EIF3J: variants seen among roughly 807,000 people sequenced by gnomAD.
EIF3J encodes eukaryotic translation initiation factor 3, subunit 1 (alpha, 35kD).
In EIF3J, 15 loss-of-function variants were observed where a neutral mutation model predicts 39.0. The ratio of observed to expected loss-of-function variants is 0.38; its 90% CI spans 0.26 to 0.59. EIF3J has a LOEUF of 0.59. EIF3J is among the 20% of genes least tolerant of loss of function. The pLI, the probability that EIF3J is intolerant of heterozygous loss-of-function variation, is 0.60. For synonymous variants in EIF3J, 98 were observed against 112.9 expected (o/e 0.87, Z 0.84); for missense variants, 226 against 308.6 (o/e 0.73, Z 2.00).
intron 6 of EIF3J, among the ~76,000 whole-genome samples, chr15:44,558,414 C>T (rs148173176): frequency 2.6e-5 from 4 of 151,408 alleles, no homozygotes; most frequent in South Asian, 4.2e-4. Flanking sequence ...ACCATCCTGG[C>T]TAACAAGGTG....
intron 2 of EIF3J, among the ~76,000 whole-genome samples, chr15:44,545,680 C>A (rs1382499256): frequency 1.3e-5 from 2 of 152,110 alleles, no homozygotes; most frequent in Admixed American, 6.6e-5. Flanking sequence ...AAACATTTAT[C>A]ATTTCTTTGT....
At chr15:44,560,988 G>T (rs111356973) in intron 7 of EIF3J, 30 bp from the exon 8 acceptor site, 62,929 of 1,609,716 alleles carry the variant, frequency 0.039, 3,057 homozygotes, top group African/African-American at 0.21. Flanking sequence ...GCACACTAAG[G>T]TTCATGAATT....
intron 2 of EIF3J, among the ~76,000 whole-genome samples, chr15:44,549,764 C>CAAAAA (rs774290941): frequency 1.7e-4 from 2 of 11,458 alleles, no homozygotes; most frequent in African/African-American, 5.2e-4. Flanking sequence ...GACTCCGTCT[C>CAAAAA]AAAAAAAAAA....
At position 44,554,636 on chromosome 15, in the gene EIF3J, G is replaced by A. The variant is rs760821881; in HGVS notation, c.378G>A (p.Glu126=). 3 of 1,612,826 alleles carry A rather than the reference G, an allele frequency of 1.9e-6. No individual in the cohort carries two copies. Among genetic ancestry groups the A allele is most frequent in the Non-Finnish European group, 1.7e-6 (2 of 1,179,470 alleles). ...DKLRLKKLQE[E]SDLELAKETF... is the part of the protein sequence containing the mutation. The stretch of plus-strand genomic sequence containing the variant: ...TGCGGCTAAAGAAATTACAGGAAGA[G>A]TCAGACCTCGAATTAGCAAAGGAAA... Residue 126 remains glutamate, a synonymous_variant, in exon 5 of 8, where the codon GAG becomes GAA. Transcript: ENST00000261868.
At chr15:44,554,375 TAAAAA>T (rs59415615) in intron 4 of EIF3J, among the ~76,000 whole-genome samples, 173 bp from the exon 5 acceptor site, 2 of 61,880 alleles carry the variant, frequency 3.2e-5, no homozygotes, top group South Asian at 4.7e-4. Context: ...AGGCTCTGTC[TAAAAA>T]AAAAAAAAAA....
intron 2 of EIF3J, among the ~76,000 whole-genome samples, chr15:44,537,690 A>G (rs1216226111): frequency 6.6e-6 from 1 of 152,226 alleles, no homozygotes; most frequent in East Asian, 1.9e-4. Context: ...AGGTGACAGC[A>G]TCGGCCGGGT....
intron 2 of EIF3J, among the ~76,000 whole-genome samples, chr15:44,540,267 A>ATATATT (rs1349416377): frequency 1.8e-4 from 11 of 61,422 alleles, no homozygotes; most frequent in African/African-American, 6.9e-4. Flanking sequence ...ATATATATAT[A>ATATATT]TTTTTTTTTT....
chr15:44,554,730 C>A, intron 5 of EIF3J, 63 bp downstream of exon 5: 1 of 997,506 alleles, frequency 1.0e-6, no homozygotes, highest in Non-Finnish European at 1.5e-6. Flanking sequence ...CCAGAAAGTT[C>A]AGAAAACATC....
At chr15:44,538,949 T>C (rs1434314091) in intron 2 of EIF3J, among the ~76,000 whole-genome samples, 1 of 152,096 alleles carries the variant, frequency 6.6e-6, no homozygotes, top group Non-Finnish European at 1.5e-5. Context: ...TTTTAATGGA[T>C]AGTCTAGACT....
intron 2 of EIF3J, among the ~76,000 whole-genome samples, chr15:44,537,851 A>G (rs900832328): frequency 6.6e-6 from 1 of 152,242 alleles, no homozygotes; most frequent in Admixed American, 6.5e-5. Flanking sequence ...TAACTCATTT[A>G]TGACCCTGAG....
In EIF3J at chr15:44,560,332, A is replaced by T; in HGVS notation, c.645+10A>T. On this transcript the variant is annotated intron_variant, in intron 7 of 7. Coordinates refer to ENST00000261868, the MANE Select transcript of EIF3J (RefSeq NM_003758.4). The stretch of plus-strand genomic sequence containing the variant: ...ACAGAAGCAAGAAAAGGTAAGAGCA[A>T]GCTGTGTAGGGAAATGGGTATTAAA... 1 of 1,612,396 alleles carries T rather than the reference A, an allele frequency of 6.2e-7. No homozygotes were observed. Among genetic ancestry groups the T allele is most frequent in the Non-Finnish European group, 8.5e-7 (1 of 1,179,638 alleles).
chr15:44,549,151 C>T (rs1403390893), intron 2 of EIF3J, among the ~76,000 whole-genome samples: 1 of 151,904 alleles, frequency 6.6e-6, no homozygotes, highest in Non-Finnish European at 1.5e-5. Context: ...CCCAGCACTT[C>T]GGGAGGCTGA....
intron 2 of EIF3J, among the ~76,000 whole-genome samples, chr15:44,542,067 A>AG (rs1196275389): frequency 2.0e-5 from 3 of 152,250 alleles, no homozygotes; most frequent in Non-Finnish European, 4.4e-5. Flanking sequence ...CCTGAATATG[A>AG]GACAGGTAGG....
intron 6 of EIF3J, chr15:44,559,212 A>G (rs1358647246): frequency 1.3e-5 from 2 of 149,260 alleles, no homozygotes; most frequent in African/African-American, 4.9e-5. Context: ...TAACCTTGCC[A>G]ACATGGTAAA....
intron 2 of EIF3J, among the ~76,000 whole-genome samples, chr15:44,539,995 C>A (rs8040992): frequency 0.99 from 144,714 of 145,610 alleles, 71,935 homozygotes; most frequent in Middle Eastern, 1. Flanking sequence ...GCTGGAGTGC[C>A]GTGGCACGAT....
intron 2 of EIF3J, among the ~76,000 whole-genome samples, chr15:44,539,026 C>CTT (rs942051829): frequency 1.8e-4 from 24 of 136,272 alleles, no homozygotes; most frequent in African/African-American, 3.8e-4. Context: ...GAATATAATT[C>CTT]TTTTTTTTTT....
intron 2 of EIF3J, among the ~76,000 whole-genome samples, chr15:44,543,126 A>G (rs1265035015): frequency 2.0e-5 from 3 of 152,222 alleles, no homozygotes; most frequent in African/African-American, 7.2e-5. Flanking sequence ...CCTTAAATCT[A>G]CTTTTCAGAC....
rs1449321512 is a variant in EIF3J at position 44,562,136 on chromosome 15, G to C, written c.*987G>C. The C allele has an allele frequency of 6.6e-6, 1 of 152,638 alleles. No individual in the cohort carries two copies. The highest frequency in any genetic ancestry group is 1.5e-5 in the Non-Finnish European group (1 of 68,022). The allele number at this position is 152,638 out of a possible 1,614,324, so 9.5% of individuals were successfully genotyped here. ...ATACTTTTTGAGAGTATAGAACACA[G>C]CTCTTGGGAGTACAGTTCTCTACGT... On this transcript the variant is annotated 3_prime_UTR_variant, in exon 8 of 8. Transcript: ENST00000261868.
Position 44,537,233 on chromosome 15 carries a change from CTGGGG to C in EIF3J, c.42_43+3del. On this transcript the variant is annotated splice_donor_variant and coding_sequence_variant, in exon 1 of 8. Coordinates refer to ENST00000261868, the MANE Select transcript of EIF3J (RefSeq NM_003758.4). LOFTEE classifies it high-confidence loss of function. ...CGGCGGCGGCGGGGGACTCGGACTCCTGGGGTGAGGAGAAGTTGCTGGGGCAGGGC... is the reference window on the plus strand; with the variant it reads ...CGGCGGCGGCGGGGGACTCGGACTCCTGAGGAGAAGTTGCTGGGGCAGGGC... The C allele has an allele frequency of 6.3e-7, 1 of 1,594,328 alleles. No homozygotes were observed.
Sources: gnomAD v4.1 joint callset for allele counts (sites outside exome capture counted in the v4.1 genomes callset) on GRCh38, gnomAD v4.1.1 for gene constraint, MANE v1.5 for transcripts, NCBI Gene and HGNC (gene_info 2026-07-23, HGNC 2026-07-21) for gene names.